RAET1E: variants seen among roughly 807,000 people sequenced by gnomAD.
RAET1E encodes NKG2D ligand 4.
Under a neutral mutation model 21.1 loss-of-function variants are expected in RAET1E, and 27 were observed. The ratio of observed to expected loss-of-function variants is 1.28; its 90% confidence interval spans 0.94 to 1.76. RAET1E has a LOEUF of 1.76. RAET1E is among the 40% of genes most tolerant of loss of function. The probability of loss-of-function intolerance (pLI) is 0.00; values close to 1 mark genes in which losing one functional copy is unlikely to be tolerated. For synonymous variants in RAET1E, 113 were observed against 115.0 expected, an observed-to-expected ratio of 0.98 and a Z score of 0.11; for missense variants, 310 against 311.3, an observed-to-expected ratio of 1.00 and a Z score of 0.03.
chr6:149,884,396 A>G lies in RAET1E; in HGVS notation c.*4102T>C. The G allele has an allele frequency of 3.3e-6, 4 of 1,210,812 alleles. No homozygotes were observed. The highest frequency in any genetic ancestry group is 2.6e-5 in the East Asian group (1 of 38,978). 75.0% of individuals were successfully genotyped at this position (1,210,812 alleles called of 1,614,324 possible). On this transcript the variant is annotated 3_prime_UTR_variant, in exon 6 of 6. Coordinates refer to ENST00000357183, the MANE Select transcript of RAET1E (RefSeq NM_001394057.1). ...TCCGCTCATTGCAGGCTCCGCCTCCACTTGACTCAGGGAACACACAGCAGT... is the reference window on the plus strand; with the variant it reads ...TCCGCTCATTGCAGGCTCCGCCTCCGCTTGACTCAGGGAACACACAGCAGT...
At position 149,888,474 on chromosome 6, in the gene RAET1E, C is replaced by G; in HGVS notation, c.*24G>C. On this transcript the variant is annotated 3_prime_UTR_variant, in exon 6 of 6. Transcript: ENST00000357183. Reference sequence around the variant, plus strand: ...GGGGGCTTGGATGAGACCCATGATTCACCTCTCTTGAGTCCTTACCAGACT... The same window carrying G: ...GGGGGCTTGGATGAGACCCATGATTGACCTCTCTTGAGTCCTTACCAGACT... 2 of 1,605,482 alleles carry G rather than the reference C, an allele frequency of 1.2e-6. No individual in the cohort carries two copies. The highest frequency in any genetic ancestry group is 1.7e-6 in the Non-Finnish European group (2 of 1,175,458).
intron 1 of RAET1E, among the ~76,000 whole-genome samples, chr6:149,896,666 G>A (rs1487099270): frequency 1.3e-5 from 2 of 151,470 alleles, no homozygotes; most frequent in Non-Finnish European, 2.9e-5. Context: ...GTGTGTGTGT[G>A]CATGGGTGCT....
intron 2 of RAET1E, among the ~76,000 whole-genome samples, chr6:149,891,803 C>T (rs1039545573): frequency 3.9e-5 from 6 of 151,986 alleles, no homozygotes; most frequent in African/African-American, 1.5e-4. Flanking sequence ...TAGGTATATA[C>T]GTGCCCTGGT....
chr6:149,897,791 C>G lies in RAET1E; in HGVS notation c.-321+230G>C, dbSNP rs1050989065. Among the ~76,000 whole-genome samples, 4 of 152,262 alleles carry G rather than the reference C, an allele frequency of 2.6e-5. No individual in the cohort carries two copies. In the South Asian group the frequency reaches 8.3e-4, roughly 32 times the overall value. ...CCAGACTGGAAGGAGGCACGGATCC[C>G]TGAGTGCTTGGTGTGGAGGCAGAGG... On this transcript the variant is annotated intron_variant, in intron 1 of 5. Coordinates refer to ENST00000357183, the MANE Select transcript of RAET1E (RefSeq NM_001394057.1).
intron 1 of RAET1E, among the ~76,000 whole-genome samples, chr6:149,897,711 G>A (rs1778171106): frequency 6.6e-6 from 1 of 152,162 alleles, no homozygotes; most frequent in African/African-American, 2.4e-5. Context: ...AGTTAGGGCA[G>A]GAGAACAAGG....
chr6:149,889,854 C>T (rs1309494968), intron 4 of RAET1E, 31 bp downstream of exon 4: 10 of 1,603,562 alleles, frequency 6.2e-6, no homozygotes, highest in Non-Finnish European at 8.5e-6. Flanking sequence ...TTACTGCCTG[C>T]CTCTGTTTGC....
rs1238245220 is a variant in RAET1E at position 149,889,441 on chromosome 6, G to A, written c.529C>T (p.Leu177=). 1 of 1,614,138 alleles carries A rather than the reference G, an allele frequency of 6.2e-7. No homozygotes were observed. Among genetic ancestry groups the A allele is most frequent in the East Asian group, 2.2e-5 (1 of 44,876 alleles). ...IKETWKKDRG[L]EKYFRKLSKG... is the part of the protein sequence containing the mutation. ...GAGAGCTTCCTGAAATACTTTTCCA[G>A]CCCTCTGTCTTTCTTCCATGTCTCC... Residue 177 remains leucine (L), a synonymous_variant, in exon 5 of 6, where the codon CTG becomes TTG. Transcript: ENST00000357183.
chr6:149,890,890 T>C lies in RAET1E; in HGVS notation c.12A>G (p.Ile4Met). Reference protein sequence around the residue: MRRISLTSSPVRLL... With the variant: MRRMSLTSSPVRLL... Reference sequence around the variant, plus strand: ...GGCGCACAGGGCTAGAAGTCAGGGATATTCTTCGCATACTGTGGAGAGTAA... The same window carrying C: ...GGCGCACAGGGCTAGAAGTCAGGGACATTCTTCGCATACTGTGGAGAGTAA... Residue 4 changes from isoleucine to methionine, a missense_variant, in exon 3 of 6, where the codon ATA (isoleucine) becomes ATG (methionine). By Grantham distance (10) the Ile-to-Met change is conservative (BLOSUM62 1). Coordinates refer to ENST00000357183, the MANE Select transcript of RAET1E (RefSeq NM_001394057.1). The C allele has an allele frequency of 6.2e-7, 1 of 1,611,884 alleles. No homozygotes were observed. The highest frequency in any genetic ancestry group is 8.5e-7 in the Non-Finnish European group (1 of 1,178,160).
At chr6:149,891,696 G>T (rs1777904745) in intron 2 of RAET1E, among the ~76,000 whole-genome samples, 1 of 151,954 alleles carries the variant, frequency 6.6e-6, no homozygotes, top group African/African-American at 2.4e-5. Flanking sequence ...AGACCAGCCT[G>T]GGCAACATAG....
chr6:149,893,276 A>G (rs1356412168), intron 2 of RAET1E, among the ~76,000 whole-genome samples: 4 of 152,192 alleles, frequency 2.6e-5, no homozygotes, highest in African/African-American at 4.8e-5. Context: ...CATTGAATCT[A>G]TAAATTACTT....
chr6:149,888,683 AAAAG>A lies in RAET1E; in HGVS notation c.623-20_623-17del. 1 of 1,555,462 alleles carries A rather than the reference AAAAG, an allele frequency of 6.4e-7. No individual in the cohort carries two copies. On this transcript the variant is annotated splice_polypyrimidine_tract_variant and intron_variant, in intron 5 of 5. Transcript: ENST00000357183. ...ACTGGTGACACTAAAAAAAAAAAAA[AAAAG>A]AAAAAAAAGCACAAGCCCTGTCACA...
intron 2 of RAET1E, among the ~76,000 whole-genome samples, chr6:149,892,195 T>C (rs973741513): frequency 6.6e-6 from 1 of 152,248 alleles, no homozygotes; most frequent in African/African-American, 2.4e-5. Context: ...TATAGCAGCA[T>C]GATTTATAAT....
rs1368030250 is a variant in RAET1E, at chr6:149,887,603, T to A, written c.*895A>T. On this transcript the variant is annotated 3_prime_UTR_variant, in exon 6 of 6. Coordinates refer to ENST00000357183, the MANE Select transcript of RAET1E (RefSeq NM_001394057.1). ...TAAGCAATGAAAAGGGTAGAATCATTTCTTACATCAGAAACATTGATCCTC... is the reference window on the plus strand; with the variant it reads ...TAAGCAATGAAAAGGGTAGAATCATATCTTACATCAGAAACATTGATCCTC... Among the ~76,000 whole-genome samples, 2 of 152,218 alleles carry A rather than the reference T, an allele frequency of 1.3e-5. No homozygotes were observed. The highest frequency in any genetic ancestry group is 2.9e-5 in the Non-Finnish European group (2 of 68,046).
In RAET1E at chr6:149,890,915, A is replaced by G; in HGVS notation, c.-14T>C. 6.3e-7 allele frequency: 1 copy of G among 1,580,640 alleles called. No homozygotes were observed. The highest frequency in any genetic ancestry group is 1.4e-5 in the African/African-American group (1 of 74,006). On this transcript the variant is annotated 5_prime_UTR_variant, in exon 3 of 6. Coordinates refer to ENST00000357183, the MANE Select transcript of RAET1E (RefSeq NM_001394057.1). ...TATTCTTCGCATACTGTGGAGAGTA[A>G]CAGGCAGGAAGCTGGGCGTGTACAC... is the stretch of plus-strand genomic sequence containing the variant.
intron 2 of RAET1E, among the ~76,000 whole-genome samples, chr6:149,893,293 G>A (rs1777984864): frequency 6.6e-6 from 1 of 152,172 alleles, no homozygotes; most frequent in Admixed American, 6.5e-5. Flanking sequence ...ACTTTGGGCA[G>A]TATGGCCATT....
Position 149,887,789 on chromosome 6 carries a change from GA to G in RAET1E, c.*708del, listed in dbSNP as rs1483900952. 2.0e-5 allele frequency among the ~76,000 whole-genome samples: 3 copies of G among 152,180 alleles called. No individual in the cohort carries two copies. Among genetic ancestry groups the G allele is most frequent in the Admixed American group, 6.5e-5 (1 of 15,282 alleles). ...GTTGAGGTCTGCCTGGGTCAATTTA[GA>G]GAAGACACTATGAGGACAAAGACAG... On this transcript the variant is annotated 3_prime_UTR_variant, in exon 6 of 6. Transcript: ENST00000357183.
rs1778186126 is a variant in RAET1E at position 149,898,068 on chromosome 6, G to A, written c.-368C>T. On this transcript the variant is annotated 5_prime_UTR_variant, in exon 1 of 6. Transcript: ENST00000357183. ...GTCCTTCTGCCGTCTCTAGGATGGAGAGGCCTGAGGTGACTGCTTCCTCAG... is the reference window on the plus strand; with the variant it reads ...GTCCTTCTGCCGTCTCTAGGATGGAAAGGCCTGAGGTGACTGCTTCCTCAG... 6.6e-6 allele frequency: 1 copy of A among 152,204 alleles called. No individual in the cohort carries two copies. The highest frequency in any genetic ancestry group is 2.1e-4 in the South Asian group (1 of 4,832). The allele number at this position is 152,204 out of a possible 1,614,324, so 9.4% of individuals were successfully genotyped here.
chr6:149,889,984 C>T lies in RAET1E; in HGVS notation c.247G>A (p.Ala83Thr). 2 of 1,614,106 alleles carry T rather than the reference C, an allele frequency of 1.2e-6. No homozygotes were observed. Among genetic ancestry groups the T allele is most frequent in the South Asian group, 2.2e-5 (2 of 91,086 alleles). The change falls in exon 4 of 6, where the codon GCC becomes ACC. Residue 83 changes from alanine to threonine, a missense_variant. By Grantham distance (58) the Ala-to-Thr change is moderately conservative. Transcript: ENST00000357183. ...PLGLLGKKVY[A>T]TSTWGELTQT... is the part of the protein sequence containing the mutation. Reference sequence around the variant, plus strand: ...GTCAATTCTCCCCAAGTGCTGGTGGCATATACCTTCTTCCCCAGGAGGCCC... The same window carrying T: ...GTCAATTCTCCCCAAGTGCTGGTGGTATATACCTTCTTCCCCAGGAGGCCC...
chr6:149,891,319 A>G (rs961289058), intron 2 of RAET1E, among the ~76,000 whole-genome samples: 1 of 151,048 alleles, frequency 6.6e-6, no homozygotes, highest in Non-Finnish European at 1.5e-5. Context: ...CCCCCTGCCC[A>G]TTCCTGTATT....
Sources: allele counts gnomAD v4.1 joint callset (sites outside exome capture counted in the v4.1 genomes callset), GRCh38; gene constraint gnomAD v4.1.1; transcripts MANE v1.5; gene names NCBI Gene and HGNC (gene_info 2026-07-23, HGNC 2026-07-21).